The following OSBPL8 variants were observed in gnomAD, a reference collection of about 807,000 sequenced individuals.
The protein encoded by OSBPL8 is oxysterol binding protein like 8, also known as oxysterol-binding protein-related protein 8.
A neutral mutation model predicts 125.5 loss-of-function variants in OSBPL8; 59 were observed. The ratio of observed to expected loss-of-function variants is 0.47; its 90% confidence interval spans 0.38 to 0.58. OSBPL8 has a LOEUF of 0.58. Among genes scored for constraint, OSBPL8 ranks in the 20% least tolerant of loss-of-function variants. The pLI is 0.00. For missense variants in OSBPL8, 758 were observed against 1,047.8 expected (o/e 0.72, Z 3.82); for synonymous variants, 330 against 338.9 (o/e 0.97, Z 0.29).
Position 76,450,880 on chromosome 12 carries a change from G to A in OSBPL8, c.188C>T (p.Ser63Phe), listed in dbSNP as rs1185425274. The A allele has an allele frequency of 1.2e-6, 2 of 1,613,206 alleles. No individual in the cohort carries two copies. Among genetic ancestry groups the A allele is most frequent in the Admixed American group, 1.7e-5 (1 of 59,916 alleles). Reference protein sequence around the residue: ...PTPTKDLHQPSLSPASPHSQG... With the variant: ...PTPTKDLHQPFLSPASPHSQG... ...GCTATGAGGACTTGCTGGACTAAGA[G>A]ATGGCTGATGCAAATCTTTGGTTGG... Residue 63 changes from serine to phenylalanine, a missense_variant, in exon 4 of 24, where the codon TCT (serine) becomes TTT (phenylalanine). Around this residue, in one of 3 missense-constraint regions of OSBPL8, gnomAD observed 117 missense variants for 137.1 expected, o/e 0.85. Transcript: ENST00000261183.
intron 1 of OSBPL8, among the ~76,000 whole-genome samples, chr12:76,506,671 T>A (rs1001794855): frequency 6.6e-6 from 1 of 152,074 alleles, no homozygotes; most frequent in Non-Finnish European, 1.5e-5. Context: ...TGACAAAAGG[T>A]AAAATTAATG....
At chr12:76,503,000 T>C (rs1880060322) in intron 1 of OSBPL8, among the ~76,000 whole-genome samples, 2 of 152,318 alleles carry the variant, frequency 1.3e-5, no homozygotes, top group South Asian at 4.1e-4. Flanking sequence ...TACATTACAG[T>C]ATTTCAGTTA....
intron 1 of OSBPL8, among the ~76,000 whole-genome samples, chr12:76,530,690 G>A (rs996043587): frequency 1.3e-5 from 2 of 152,134 alleles, no homozygotes; most frequent in African/African-American, 2.4e-5. Flanking sequence ...ACCTAGAAGA[G>A]TGCCTATCAC....
At position 76,392,717 on chromosome 12, in the gene OSBPL8, T is replaced by G; in HGVS notation, c.793A>C (p.Lys265Gln). The G allele has an allele frequency of 6.2e-7, 1 of 1,613,644 alleles. No homozygotes were observed. Reference protein sequence around the residue: ...CWMDALELALKCSSLLKRTMI... With the variant: ...CWMDALELALQCSSLLKRTMI... ...GTACGTTTAAGAAGACTAGAACATT[T>G]CAAAGCCAACTCCAAAGCATCCATC... is the stretch of plus-strand genomic sequence containing the variant. Residue 265 changes from lysine to glutamine, a missense_variant, in exon 10 of 24, where the codon AAA (lysine) becomes CAA (glutamine). This residue lies in a region of OSBPL8 where 572 missense variants were observed against 762.0 expected (regional missense o/e 0.75). Transcript: ENST00000261183.
intron 1 of OSBPL8, among the ~76,000 whole-genome samples, chr12:76,497,338 T>G (rs1879383997): frequency 1.3e-5 from 2 of 152,224 alleles, no homozygotes; most frequent in Admixed American, 1.3e-4. Context: ...AAAATGAGTC[T>G]GATAAACTGT....
chr12:76,508,381 T>G (rs1880636761), intron 1 of OSBPL8, among the ~76,000 whole-genome samples: 1 of 152,320 alleles, frequency 6.6e-6, no homozygotes, highest in South Asian at 2.1e-4. Context: ...TGTATGGCAG[T>G]GGTCTCATTA....
chr12:76,353,374 AACAGCTAAAAAGAAAATGC>A lies in OSBPL8; in HGVS notation c.*2496_*2514del, dbSNP rs1344856224. ...TGGTGGATGATGGCATAGTACATTTAACAGCTAAAAAGAAAATGCACATGTGAATAATTATTACTCAATT... is the reference window on the plus strand; with the variant it reads ...TGGTGGATGATGGCATAGTACATTTAACATGTGAATAATTATTACTCAATT... On this transcript the variant is annotated 3_prime_UTR_variant, in exon 24 of 24. Transcript: ENST00000261183. 5 of 151,486 alleles carry A rather than the reference AACAGCTAAAAAGAAAATGC, an allele frequency of 3.3e-5. No individual in the cohort carries two copies. The East Asian group carries it at 9.6e-4, about 29-fold the overall frequency. The allele number at this position is 151,486 out of a possible 1,614,324, so 9.4% of individuals were successfully genotyped here. A position where few individuals can be genotyped will look rare whatever the true frequency, so the allele number is the denominator to read the frequency against.
chr12:76,362,833 G>C (rs1952260818), intron 21 of OSBPL8, among the ~76,000 whole-genome samples: 1 of 151,858 alleles, frequency 6.6e-6, no homozygotes, highest in Non-Finnish European at 1.5e-5. Flanking sequence ...CTTCAGCAAA[G>C]TCTCAGGATA....
chr12:76,378,014 T>A (rs991105401), intron 16 of OSBPL8, among the ~76,000 whole-genome samples: 7 of 152,184 alleles, frequency 4.6e-5, no homozygotes, highest in African/African-American at 1.7e-4. Context: ...GCAAAAAGCA[T>A]AATACATTAA....
chr12:76,556,453 GA>G (rs1565996375), intron 1 of OSBPL8, among the ~76,000 whole-genome samples: 2 of 74,732 alleles, frequency 2.7e-5, no homozygotes, highest in African/African-American at 1.2e-4. Flanking sequence ...GAGGGATGGG[GA>G]CCAAGGTGGG....
At chr12:76,451,327 C>A (rs6539456) in intron 3 of OSBPL8, among the ~76,000 whole-genome samples, 74,168 of 151,572 alleles carry the variant, frequency 0.49, 19,371 homozygotes, top group African/African-American at 0.66. Flanking sequence ...TAAGCCAAAG[C>A]CAGTCATTTC....
At chr12:76,476,943 C>G (rs917040435) in intron 2 of OSBPL8, among the ~76,000 whole-genome samples, 2 of 152,018 alleles carry the variant, frequency 1.3e-5, no homozygotes, top group Admixed American at 1.3e-4. Flanking sequence ...TGTTAAATGA[C>G]CAAATGAGAA....
intron 4 of OSBPL8, among the ~76,000 whole-genome samples, chr12:76,435,454 T>A (rs1871340502): frequency 6.6e-6 from 1 of 152,102 alleles, no homozygotes. Context: ...ATATGCAGTA[T>A]GAATAAGTTC....
intron 4 of OSBPL8, among the ~76,000 whole-genome samples, chr12:76,439,488 T>C (rs1475182974): frequency 1.3e-5 from 2 of 152,180 alleles, no homozygotes; most frequent in Admixed American, 1.3e-4. Context: ...CAATTTAAGA[T>C]TCAACTCAAT....
chr12:76,444,686 T>A (rs1442658365), intron 4 of OSBPL8, among the ~76,000 whole-genome samples: 1 of 152,200 alleles, frequency 6.6e-6, no homozygotes, highest in Non-Finnish European at 1.5e-5. Context: ...GGTTTCCACT[T>A]GCTGGTCCAG....
At chr12:76,473,631 T>A (rs188514230) in intron 2 of OSBPL8, among the ~76,000 whole-genome samples, 1 of 152,296 alleles carries the variant, frequency 6.6e-6, no homozygotes, top group East Asian at 1.9e-4. Context: ...TTGCCCCCAA[T>A]ACTCCACAAT....
rs1043362591 is a variant in OSBPL8 at position 76,450,780 on chromosome 12, T to C, written c.217+71A>G. ...AAAAAAATATGATAGTCCCCAAATG[T>C]CATTCTCCCCTTCTCCCCTCCAAAA... On this transcript the variant is annotated intron_variant, in intron 4 of 23. Coordinates refer to ENST00000261183, the MANE Select transcript of OSBPL8 (RefSeq NM_020841.5). The C allele has an allele frequency of 4.2e-6, 6 of 1,426,150 alleles. No individual in the cohort carries two copies. In the African/African-American group the frequency reaches 8.7e-5, roughly 21 times the overall value. 88.3% of individuals were successfully genotyped at this position (1,426,150 alleles called of 1,614,324 possible). A position where few individuals can be genotyped will look rare whatever the true frequency, so the allele number is the denominator to read the frequency against.
chr12:76,476,960 GAAAC>G (rs1458509823), intron 2 of OSBPL8, among the ~76,000 whole-genome samples: 4 of 152,052 alleles, frequency 2.6e-5, no homozygotes, highest in Admixed American at 6.5e-5. Flanking sequence ...AGAAAAGAAA[GAAAC>G]AAAGTCAAAA....
At chr12:76,553,995 A>AC (rs3043355) in intron 1 of OSBPL8, among the ~76,000 whole-genome samples, 1 of 150,238 alleles carries the variant, frequency 6.7e-6, no homozygotes, top group African/African-American at 2.4e-5. Context: ...AAAAAAAAAA[A>AC]CACTAAAAAA....
Sources: allele counts gnomAD v4.1 joint callset (sites outside exome capture counted in the v4.1 genomes callset), GRCh38; gene constraint gnomAD v4.1.1; regional missense constraint gnomAD v4.1.1; transcripts MANE v1.5; gene names NCBI Gene and HGNC (gene_info 2026-07-23, HGNC 2026-07-21).